Variants in UPP2 observed in about 807,000 individuals in gnomAD.
UPP2 encodes the protein UPase 2.
A neutral mutation model predicts 26.7 loss-of-function variants in UPP2; 23 were observed. That is an observed-to-expected ratio of 0.86 (90% CI 0.62 to 1.22). UPP2 has a LOEUF of 1.22. Among genes scored for constraint, UPP2 ranks in the 50% most tolerant of loss-of-function variants. The pLI, the probability that UPP2 is intolerant of heterozygous loss-of-function variation, is 0.00. For synonymous variants in UPP2, 127 were observed against 141.3 expected (o/e 0.90, Z 0.72); for missense variants, 387 against 396.7 (o/e 0.98, Z 0.21).
At chr2:158,054,213 G>A (rs1013280958) in intron 3 of UPP2, among the ~76,000 whole-genome samples, 1 of 151,992 alleles carries the variant, frequency 6.6e-6, no homozygotes, top group Non-Finnish European at 1.5e-5. Flanking sequence ...AGCTTAGATG[G>A]TGCCACTGCA....
chr2:158,035,397 C>T (rs940981397), intron 3 of UPP2, among the ~76,000 whole-genome samples: 1 of 152,208 alleles, frequency 6.6e-6, no homozygotes, highest in African/African-American at 2.4e-5. Flanking sequence ...CCTCATAATC[C>T]ACCTGCTTGG....
At chr2:158,001,049 C>T (rs752816210) in intron 2 of UPP2, among the ~76,000 whole-genome samples, 18 of 152,182 alleles carry the variant, frequency 1.2e-4, no homozygotes, top group Non-Finnish European at 2.1e-4. Flanking sequence ...AGAAGTTTCT[C>T]CTTTGTTTCT....
intron 2 of UPP2, among the ~76,000 whole-genome samples, chr2:158,009,429 G>C (rs1190662592): frequency 2.0e-5 from 3 of 152,176 alleles, no homozygotes; most frequent in African/African-American, 4.8e-5. Context: ...CTAATGTCCA[G>C]AATAACCAGA....
intron 3 of UPP2, among the ~76,000 whole-genome samples, chr2:158,064,800 G>C (rs1305484191): frequency 1.3e-5 from 2 of 152,078 alleles, no homozygotes; most frequent in African/African-American, 2.4e-5. Context: ...TCAGTTTTCT[G>C]CATATGGCTA....
chr2:158,099,573 C>T (rs573808163), upstream of UPP2, among the ~76,000 whole-genome samples: 2 of 152,282 alleles, frequency 1.3e-5, no homozygotes, highest in East Asian at 3.9e-4. Flanking sequence ...CCAATACAAC[C>T]TTTGCTGATA....
At chr2:157,999,854 A>C (rs1683378270) in intron 2 of UPP2, among the ~76,000 whole-genome samples, 1 of 152,196 alleles carries the variant, frequency 6.6e-6, no homozygotes, top group South Asian at 2.1e-4. Flanking sequence ...CTTACCCAAA[A>C]AGAATCAGTG....
intron 2 of UPP2, among the ~76,000 whole-genome samples, chr2:158,106,811 A>G (rs1016005119): frequency 1.3e-5 from 2 of 152,222 alleles, no homozygotes; most frequent in Non-Finnish European, 2.9e-5. Flanking sequence ...GAATACAAAA[A>G]AGAATATGAT....
At chr2:158,093,122 C>T (rs1385112473) in intron 3 of UPP2, among the ~76,000 whole-genome samples, 2 of 151,982 alleles carry the variant, frequency 1.3e-5, no homozygotes, top group African/African-American at 2.4e-5. Flanking sequence ...GGTTTCACCA[C>T]ATTGGCTAGG....
chr2:158,020,901 C>A (rs1683740083), intron 3 of UPP2, among the ~76,000 whole-genome samples: 1 of 152,064 alleles, frequency 6.6e-6, no homozygotes, highest in Non-Finnish European at 1.5e-5. Context: ...TTCTTGACTC[C>A]AGGAAAATTG....
At chr2:158,003,964 G>A (rs1026633207) in intron 2 of UPP2, among the ~76,000 whole-genome samples, 3 of 152,062 alleles carry the variant, frequency 2.0e-5, no homozygotes, top group Non-Finnish European at 4.4e-5. Context: ...TTCAAATGGA[G>A]TATAGTACTA....
intron 3 of UPP2, among the ~76,000 whole-genome samples, chr2:158,082,850 A>T (rs1682749736): frequency 6.6e-6 from 1 of 152,214 alleles, no homozygotes; most frequent in Non-Finnish European, 1.5e-5. Flanking sequence ...AAGGAACTTA[A>T]ACAAATTTAC....
At chr2:158,035,239 C>A (rs1008909023) in intron 3 of UPP2, among the ~76,000 whole-genome samples, 2 of 151,542 alleles carry the variant, frequency 1.3e-5, no homozygotes, top group South Asian at 4.2e-4. Flanking sequence ...CTCACTGCAA[C>A]CTCCGCCTCC....
At chr2:158,094,938 G>A (rs1318692920) in intron 3 of UPP2, among the ~76,000 whole-genome samples, 3 of 152,132 alleles carry the variant, frequency 2.0e-5, no homozygotes, top group Non-Finnish European at 4.4e-5. Flanking sequence ...GCTTTCATCA[G>A]GTGCTGAAAG....
At chr2:158,001,982 AG>A in intron 2 of UPP2, among the ~76,000 whole-genome samples, 1 of 145,002 alleles carries the variant, frequency 6.9e-6, no homozygotes, top group African/African-American at 2.6e-5. Context: ...AAAAAAAAAA[AG>A]AAGAGAGAGA....
intron 3 of UPP2, among the ~76,000 whole-genome samples, chr2:158,042,100 G>A (rs1387829845): frequency 4.6e-5 from 7 of 152,124 alleles, no homozygotes; most frequent in Non-Finnish European, 8.8e-5. Context: ...GCAGACCAGG[G>A]GCCAGGTCCA....
chr2:158,098,774 A>G (rs750980470), upstream of UPP2, among the ~76,000 whole-genome samples: 1 of 152,244 alleles, frequency 6.6e-6, no homozygotes, highest in Non-Finnish European at 1.5e-5. Context: ...GATGCTGTTA[A>G]TTGGCAAGTT....
intron 3 of UPP2, among the ~76,000 whole-genome samples, chr2:158,066,810 C>T (rs1682443121): frequency 6.6e-6 from 1 of 152,122 alleles, no homozygotes; most frequent in Non-Finnish European, 1.5e-5. Flanking sequence ...TGAGGTGCAA[C>T]TTCACAGGCA....
chr2:158,093,958 T>C (rs1682949731), intron 3 of UPP2, among the ~76,000 whole-genome samples: 1 of 150,254 alleles, frequency 6.7e-6, no homozygotes, highest in Admixed American at 6.7e-5. Context: ...ATATATATAG[T>C]ATATGTTACA....
intron 3 of UPP2, 139 bp from the exon 4 acceptor site, chr2:158,117,685 A>G (rs1683470088): frequency 2.5e-5 from 17 of 673,620 alleles, no homozygotes; most frequent in Non-Finnish European, 5.2e-6. Context: ...GAGGACTTAC[A>G]TTTTCCTCAG....
Sources: gnomAD v4.1 joint callset for allele counts (sites outside exome capture counted in the v4.1 genomes callset) on GRCh38, gnomAD v4.1.1 for gene constraint, MANE v1.5 for transcripts, NCBI Gene and HGNC (gene_info 2026-07-23, HGNC 2026-07-21) for gene names.